RAD23B: variants seen among roughly 807,000 people sequenced by gnomAD.
RAD23B encodes RAD23 nucleotide excision repair protein B.
RAD23B carries 5 observed loss-of-function variants against 49.1 expected under a neutral mutation model. That is an observed-to-expected ratio of 0.10 (90% CI 0.05 to 0.21). RAD23B has a LOEUF of 0.21. Among genes scored for constraint, RAD23B ranks in the 10% least tolerant of loss-of-function variants. RAD23B has a pLI of 1.00. For missense variants in RAD23B, 356 were observed against 486.7 expected, an observed-to-expected ratio of 0.73 and a Z score of 2.53; for synonymous variants, 184 against 165.4, an observed-to-expected ratio of 1.11 and a Z score of -0.86.
rs529670553 is a variant in RAD23B at position 107,284,228 on chromosome 9, A to G, written c.66+533A>G. On this transcript the variant is annotated intron_variant, in intron 1 of 9. Transcript: ENST00000358015. ...AATGAATTTGCCCCTTTCCCCTCAG[A>G]ATTGTTTACCCTTTTATTTGCAAAT... 16 of 985,408 alleles carry G rather than the reference A, an allele frequency of 1.6e-5. No individual in the cohort carries two copies. The South Asian group carries it at 4.7e-4, about 29-fold the overall frequency. 61.0% of individuals were successfully genotyped at this position (985,408 alleles called of 1,614,324 possible). A position where few individuals can be genotyped will look rare whatever the true frequency, so the allele number is the denominator to read the frequency against.
chr9:107,284,504 AAAC>A (rs1371071643), intron 1 of RAD23B, among the ~76,000 whole-genome samples: 4 of 152,162 alleles, frequency 2.6e-5, no homozygotes, highest in Non-Finnish European at 5.9e-5. Context: ...AAAAAACAAA[AAAC>A]AACAACTTTG....
chr9:107,299,389 TAAG>T (rs1826601191), intron 1 of RAD23B, among the ~76,000 whole-genome samples: 2 of 152,200 alleles, frequency 1.3e-5, no homozygotes, highest in South Asian at 2.1e-4. Context: ...CTTAACAAGT[TAAG>T]AAGTTCATTA....
At chr9:107,306,048 TATC>T (rs1311789689) in intron 3 of RAD23B, among the ~76,000 whole-genome samples, 889 of 23,774 alleles carry the variant, frequency 0.037, 29 homozygotes, top group African/African-American at 0.17. Flanking sequence ...ATACGGTTTA[TATC>T]TATATATATA....
intron 5 of RAD23B, among the ~76,000 whole-genome samples, chr9:107,316,787 A>G (rs1827006411): frequency 6.6e-6 from 1 of 151,992 alleles, no homozygotes; most frequent in South Asian, 2.1e-4. Flanking sequence ...TCAAACTTGC[A>G]TTCAGTTGGG....
intron 6 of RAD23B, among the ~76,000 whole-genome samples, chr9:107,321,511 T>G (rs1827111500): frequency 6.6e-6 from 1 of 152,150 alleles, no homozygotes; most frequent in Non-Finnish European, 1.5e-5. Flanking sequence ...TGGATTATCT[T>G]AAGCTAGAGT....
intron 1 of RAD23B, among the ~76,000 whole-genome samples, chr9:107,287,233 G>GA (rs1370227800): frequency 4.3e-5 from 3 of 69,390 alleles, no homozygotes; most frequent in African/African-American, 2.6e-4. Context: ...AACCTTTTGA[G>GA]ATAAAAAAAA....
At chr9:107,304,156 A>G (rs956001943) in intron 3 of RAD23B, among the ~76,000 whole-genome samples, 3 of 152,244 alleles carry the variant, frequency 2.0e-5, no homozygotes, top group Admixed American at 2.0e-4. Context: ...ATCAAAAGCA[A>G]GAATAAAAAC....
At chr9:107,298,361 T>C (rs1826577053) in intron 1 of RAD23B, among the ~76,000 whole-genome samples, 1 of 151,994 alleles carries the variant, frequency 6.6e-6, no homozygotes, top group Non-Finnish European at 1.5e-5. Context: ...TCACCCAGGC[T>C]GGAGTGCAGT....
chr9:107,325,313 C>CAAAAAA lies in RAD23B; in HGVS notation c.1116+332_1116+337dup, dbSNP rs34042765. ...TGGGCAACAGAGTGAGACTCTGTCTCAAAAAAAAAAAAAAAAAAAAAAAAA... is the reference window on the plus strand; with the variant it reads ...TGGGCAACAGAGTGAGACTCTGTCTCAAAAAAAAAAAAAAAAAAAAAAAAAAAAAAA... On this transcript the variant is annotated intron_variant, in intron 9 of 9. Coordinates refer to ENST00000358015, the MANE Select transcript of RAD23B (RefSeq NM_002874.5). Among the ~76,000 whole-genome samples, 91 of 61,378 alleles carry CAAAAAA rather than the reference C, an allele frequency of 1.5e-3. 5 individuals carry two copies. The highest frequency in any genetic ancestry group is 5.8e-3 in the African/African-American group (88 of 15,210). 40.3% of individuals were successfully genotyped at this position (61,378 alleles called of 152,430 possible). A position where few individuals can be genotyped will look rare whatever the true frequency, so the allele number is the denominator to read the frequency against.
At chr9:107,312,297 C>G (rs1473490190) in intron 5 of RAD23B, among the ~76,000 whole-genome samples, 1 of 152,176 alleles carries the variant, frequency 6.6e-6, no homozygotes, top group African/African-American at 2.4e-5. Context: ...ATCTCTGATA[C>G]AGTTCCTGCT....
rs142640765 is a variant in RAD23B at position 107,327,898 on chromosome 9, T to G, written c.1117-1645T>G. On this transcript the variant is annotated intron_variant, in intron 9 of 9. Transcript: ENST00000358015. ...TTATGTATTTTGTGGCTCTGTTATATATAATTGTTGTGTCTTCCTGAACCC... is the reference window on the plus strand; with the variant it reads ...TTATGTATTTTGTGGCTCTGTTATAGATAATTGTTGTGTCTTCCTGAACCC... Among the ~76,000 whole-genome samples, 542 of 152,350 alleles carry G rather than the reference T, an allele frequency of 3.6e-3. 3 individuals are homozygous for G. The highest frequency in any genetic ancestry group is 5.2e-3 in the Non-Finnish European group (355 of 68,032).
rs3056494 is a variant in RAD23B at position 107,331,689 on chromosome 9, CAAA to C, written c.*2043_*2045del. Reference sequence around the variant, plus strand: ...CTCAGATCATAGTGAAAACTGGAAACAAAAAAAAAAAACAGCCTCTTCTTGGAA... The same window carrying C: ...CTCAGATCATAGTGAAAACTGGAAACAAAAAAAAACAGCCTCTTCTTGGAA... On this transcript the variant is annotated 3_prime_UTR_variant, in exon 10 of 10. Coordinates refer to ENST00000358015, the MANE Select transcript of RAD23B (RefSeq NM_002874.5). 8.1e-3 allele frequency: 5,649 copies of C among 699,852 alleles called. 275 individuals carry two copies. The Admixed American group carries it at 0.088, about 11-fold the overall frequency. 43.4% of individuals were successfully genotyped at this position (699,852 alleles called of 1,614,324 possible). A position where few individuals can be genotyped will look rare whatever the true frequency, so the allele number is the denominator to read the frequency against.
Position 107,327,718 on chromosome 9 carries a change from T to C in RAD23B, c.1117-1825T>C, listed in dbSNP as rs978760771. The stretch of plus-strand genomic sequence containing the variant: ...CTATGTATACTGAAGAAGAATATAG[T>C]GTAGTTCTTATTAAGTGGTCTATAA... On this transcript the variant is annotated intron_variant, in intron 9 of 9. Transcript: ENST00000358015. Among the ~76,000 whole-genome samples, 5 of 152,304 alleles carry C rather than the reference T, an allele frequency of 3.3e-5. No individual in the cohort carries two copies. The East Asian group carries it at 5.8e-4, about 18-fold the overall frequency.
At chr9:107,302,594 A>G (rs1264622620) in intron 3 of RAD23B, among the ~76,000 whole-genome samples, 2 of 152,022 alleles carry the variant, frequency 1.3e-5, no homozygotes, top group African/African-American at 2.4e-5. Flanking sequence ...AACTAAAAAA[A>G]GGGAAAAGAT....
At chr9:107,283,808 A>T in intron 1 of RAD23B, 113 bp downstream of exon 1, 1 of 1,048,136 alleles carries the variant, frequency 9.5e-7, no homozygotes, top group East Asian at 3.7e-5. Flanking sequence ...GGGCGCGATG[A>T]GGGCCCTGGG....
intron 5 of RAD23B, among the ~76,000 whole-genome samples, chr9:107,314,403 C>G (rs535929561): frequency 2.2e-4 from 34 of 152,256 alleles, no homozygotes; most frequent in Non-Finnish European, 2.6e-4. Context: ...ATGATGTGTG[C>G]CTATTGTTCA....
At chr9:107,307,077 G>T (rs1007394354) in intron 4 of RAD23B, among the ~76,000 whole-genome samples, 2 of 152,070 alleles carry the variant, frequency 1.3e-5, no homozygotes, top group African/African-American at 4.8e-5. Context: ...AATCTTTCCC[G>T]TAGTTATATA....
chr9:107,299,931 C>T (rs899447203), intron 1 of RAD23B, among the ~76,000 whole-genome samples: 4 of 152,022 alleles, frequency 2.6e-5, no homozygotes, highest in African/African-American at 9.7e-5. Context: ...CTGTGTGTAT[C>T]AGATGGTGTT....
chr9:107,331,689 C>CA lies in RAD23B; in HGVS notation c.*2045dup, dbSNP rs3056494. The stretch of plus-strand genomic sequence containing the variant: ...CTCAGATCATAGTGAAAACTGGAAA[C>CA]AAAAAAAAAAAACAGCCTCTTCTTG... On this transcript the variant is annotated 3_prime_UTR_variant, in exon 10 of 10. Coordinates refer to ENST00000358015, the MANE Select transcript of RAD23B (RefSeq NM_002874.5). 166,368 of 691,042 alleles carry CA rather than the reference C, an allele frequency of 0.24. 5,054 individuals are homozygous for CA. The highest frequency in any genetic ancestry group is 0.27 in the South Asian group (17,807 of 64,858). The allele number at this position is 691,042 out of a possible 1,614,324, so 42.8% of individuals were successfully genotyped here. A position where few individuals can be genotyped will look rare whatever the true frequency, so the allele number is the denominator to read the frequency against.
Sources: gnomAD v4.1 joint callset for allele counts (sites outside exome capture counted in the v4.1 genomes callset) on GRCh38, gnomAD v4.1.1 for gene constraint, MANE v1.5 for transcripts, NCBI Gene and HGNC (gene_info 2026-07-23, HGNC 2026-07-21) for gene names.